The following MGAT4C variants were observed in gnomAD, a reference collection of about 807,000 sequenced individuals.
The protein encoded by MGAT4C is MGAT4 family member C.
Under a neutral mutation model 40.1 loss-of-function variants are expected in MGAT4C, and 19 were observed. The ratio of observed to expected loss-of-function variants is 0.47; its 90% CI spans 0.33 to 0.70. MGAT4C has a LOEUF of 0.70. Among genes scored for constraint, MGAT4C ranks in the 30% least tolerant of loss-of-function variants. The probability of loss-of-function intolerance (pLI) is 0.02; values close to 1 mark genes in which losing one functional copy is unlikely to be tolerated. For missense variants in MGAT4C, 491 were observed against 563.2 expected (o/e 0.87, Z 1.30); for synonymous variants, 181 against 187.1 (o/e 0.97, Z 0.27).
chr12:86,428,298 G>A (rs776314372), intron 3 of MGAT4C, among the ~76,000 whole-genome samples: 8 of 152,098 alleles, frequency 5.3e-5, no homozygotes, highest in Non-Finnish European at 1.0e-4. Flanking sequence ...TATAAGTAGG[G>A]TTTGAACTAA....
intron 4 of MGAT4C, among the ~76,000 whole-genome samples, chr12:86,317,115 AATTTAC>A (rs1265344335): frequency 6.6e-6 from 1 of 152,130 alleles, no homozygotes; most frequent in Non-Finnish European, 1.5e-5. Context: ...TATTTGAACA[AATTTAC>A]ATAAGGCTAA....
intron 2 of MGAT4C, among the ~76,000 whole-genome samples, chr12:86,463,291 A>G (rs1438736359): frequency 6.6e-6 from 1 of 152,192 alleles, no homozygotes; most frequent in East Asian, 1.9e-4. Flanking sequence ...CACATAATGA[A>G]CTACTCTACC....
At chr12:86,722,614 A>G (rs1017559919) in intron 2 of MGAT4C, among the ~76,000 whole-genome samples, 5 of 152,248 alleles carry the variant, frequency 3.3e-5, no homozygotes, top group Admixed American at 6.5e-5. Flanking sequence ...TAAGGGATTT[A>G]TCAACAGTCA....
chr12:86,463,684 T>G (rs1052959765), intron 2 of MGAT4C, among the ~76,000 whole-genome samples: 99 of 152,168 alleles, frequency 6.5e-4, no homozygotes, highest in African/African-American at 2.2e-3. Context: ...TTGTTTTAAT[T>G]CCTTGCTTAA....
intron 1 of MGAT4C, among the ~76,000 whole-genome samples, chr12:86,246,228 A>G (rs530714708): frequency 1.5e-5 from 2 of 136,694 alleles, no homozygotes; most frequent in East Asian, 4.2e-4. Context: ...CTCAGTTGCC[A>G]AGGCTGGAGC....
chr12:86,618,132 C>T (rs1279640317), intron 2 of MGAT4C, among the ~76,000 whole-genome samples: 1 of 152,152 alleles, frequency 6.6e-6, no homozygotes, highest in East Asian at 1.9e-4. Context: ...AATGAGATAT[C>T]ATCTTATCCA....
intron 4 of MGAT4C, among the ~76,000 whole-genome samples, chr12:86,308,093 A>C (rs960771641): frequency 1.3e-5 from 2 of 149,238 alleles, no homozygotes; most frequent in Admixed American, 6.7e-5. Flanking sequence ...TATTTGTATT[A>C]TTTAGATGTA....
At chr12:85,983,901 T>G (rs2136696650) in intron 3 of MGAT4C, among the ~76,000 whole-genome samples, 1 of 152,288 alleles carries the variant, frequency 6.6e-6, no homozygotes, top group East Asian at 1.9e-4. Flanking sequence ...ATACCACAAT[T>G]ACATTTGTTT....
chr12:86,607,149 A>G (rs1962070996), intron 2 of MGAT4C, among the ~76,000 whole-genome samples: 1 of 152,074 alleles, frequency 6.6e-6, no homozygotes, highest in Non-Finnish European at 1.5e-5. Context: ...TTCATTAGAA[A>G]CACATGCTAT....
chr12:86,004,294 C>G (rs1887648240), intron 2 of MGAT4C, among the ~76,000 whole-genome samples: 1 of 151,934 alleles, frequency 6.6e-6, no homozygotes, highest in African/African-American at 2.4e-5. Flanking sequence ...TATAAATTTC[C>G]TAGAAATTTA....
At chr12:86,346,826 T>C (rs967105913) in intron 3 of MGAT4C, among the ~76,000 whole-genome samples, 8 of 152,060 alleles carry the variant, frequency 5.3e-5, no homozygotes, top group African/African-American at 1.9e-4. Flanking sequence ...GTGGGCACCA[T>C]CCAACCGGCT....
intron 2 of MGAT4C, among the ~76,000 whole-genome samples, chr12:86,683,496 G>C (rs1950018784): frequency 6.6e-6 from 1 of 151,510 alleles, no homozygotes; most frequent in African/African-American, 2.4e-5. Context: ...ATATTGCCCT[G>C]CCATTTGACA....
chr12:86,506,658 C>T (rs1403398292), intron 2 of MGAT4C, among the ~76,000 whole-genome samples: 1 of 152,014 alleles, frequency 6.6e-6, no homozygotes, highest in Non-Finnish European at 1.5e-5. Flanking sequence ...AATAAAAAGC[C>T]CAACTTCCAA....
intron 4 of MGAT4C, among the ~76,000 whole-genome samples, chr12:86,276,792 T>C (rs1953090272): frequency 6.6e-6 from 1 of 152,244 alleles, no homozygotes; most frequent in Non-Finnish European, 1.5e-5. Context: ...TAAATGCTAC[T>C]CCATTGTGTA....
intron 1 of MGAT4C, among the ~76,000 whole-genome samples, chr12:86,249,506 A>G (rs1357373499): frequency 6.6e-6 from 1 of 152,132 alleles, no homozygotes; most frequent in Non-Finnish European, 1.5e-5. Context: ...TTTTCTCAAA[A>G]CCACAGTGAT....
At chr12:86,487,400 C>A (rs756751392) in intron 2 of MGAT4C, among the ~76,000 whole-genome samples, 1 of 152,200 alleles carries the variant, frequency 6.6e-6, no homozygotes, top group African/African-American at 2.4e-5. Flanking sequence ...ACTTAATTAT[C>A]TGCATTGCTT....
intron 2 of MGAT4C, among the ~76,000 whole-genome samples, chr12:86,652,958 T>G (rs913058764): frequency 3.3e-5 from 5 of 151,908 alleles, no homozygotes; most frequent in African/African-American, 1.2e-4. Flanking sequence ...AAATTTGTCA[T>G]TTTTTTAGTA....
chr12:86,770,557 T>G (rs1836212886), intron 1 of MGAT4C, among the ~76,000 whole-genome samples: 1 of 152,010 alleles, frequency 6.6e-6, no homozygotes. Context: ...CAGAAGGAAG[T>G]TAAAAGACAA....
At chr12:86,838,419 G>C (rs189609326) in intron 1 of MGAT4C, among the ~76,000 whole-genome samples, 1 of 152,258 alleles carries the variant, frequency 6.6e-6, no homozygotes, top group Admixed American at 6.5e-5. Flanking sequence ...TGATAATGCA[G>C]CCTGCAGCAC....
Sources: gnomAD v4.1 joint callset for allele counts (sites outside exome capture counted in the v4.1 genomes callset) on GRCh38, gnomAD v4.1.1 for gene constraint, MANE v1.5 for transcripts, NCBI Gene and HGNC (gene_info 2026-07-23, HGNC 2026-07-21) for gene names.